Variants in KIRREL3 observed in about 807,000 individuals in gnomAD.
KIRREL3 encodes kin of IRRE-like protein 3.
KIRREL3 carries 36 observed loss-of-function variants against 89.7 expected under a neutral mutation model. The observed-to-expected ratio is 0.40, with a 90% CI of 0.31 to 0.53. KIRREL3 has a LOEUF of 0.53. Ranked by LOEUF, KIRREL3 falls within the 20% of genes least tolerant of loss-of-function variation. The probability of loss-of-function intolerance (pLI) is 0.49; values close to 1 mark genes in which losing one functional copy is unlikely to be tolerated. For missense variants in KIRREL3, 864 were observed against 1,056.6 expected (o/e 0.82, Z 2.53); for synonymous variants, 445 against 441.4 (o/e 1.01, Z -0.10).
intron 4 of KIRREL3, among the ~76,000 whole-genome samples, chr11:126,497,364 G>A (rs551080526): frequency 2.6e-5 from 4 of 152,236 alleles, no homozygotes; most frequent in South Asian, 2.1e-4. Flanking sequence ...CACCAAGGGG[G>A]GTCATTTTCT....
At chr11:126,633,039 AC>A (rs2134892638) in intron 1 of KIRREL3, among the ~76,000 whole-genome samples, 1 of 152,146 alleles carries the variant, frequency 6.6e-6, no homozygotes, top group South Asian at 2.1e-4. Context: ...TTGCTCTATC[AC>A]CACTGCACTT....
intron 1 of KIRREL3, among the ~76,000 whole-genome samples, chr11:126,841,134 A>G (rs1246731493): frequency 6.6e-6 from 1 of 152,184 alleles, no homozygotes; most frequent in Non-Finnish European, 1.5e-5. Context: ...AGGGTTTGGG[A>G]CTATCTGTGG....
chr11:126,633,386 G>C (rs1188275730), intron 1 of KIRREL3, among the ~76,000 whole-genome samples: 1 of 152,106 alleles, frequency 6.6e-6, no homozygotes, highest in Non-Finnish European at 1.5e-5. Flanking sequence ...TTGATTCCTA[G>C]TGTTAGAGGT....
Position 126,768,122 on chromosome 11 carries a change from G to T in KIRREL3, c.56-205210C>A, listed in dbSNP as rs1055156355. Among the ~76,000 whole-genome samples the T allele has an allele frequency of 7.8e-6, 1 of 128,454 alleles. No individual in the cohort carries two copies. The highest frequency in any genetic ancestry group is 2.9e-5 in the African/African-American group (1 of 34,722). The allele number at this position is 128,454 out of a possible 152,430, so 84.3% of individuals were successfully genotyped here. ...ATTTCATCCATCTGTCCATCCATCT[G>T]TCTATCCATCTATCCATCCATCCAT... is the stretch of plus-strand genomic sequence containing the variant. On this transcript the variant is annotated intron_variant, in intron 1 of 16. Transcript: ENST00000525144. The surrounding 1 kb of genome is among the most constrained non-coding windows in gnomAD (Gnocchi z 4.5).
chr11:126,717,040 A>C (rs1947993289), intron 1 of KIRREL3, among the ~76,000 whole-genome samples: 1 of 152,144 alleles, frequency 6.6e-6, no homozygotes, highest in African/African-American at 2.4e-5. Flanking sequence ...AGGGTTCTGG[A>C]AGAAGCATTT....
chr11:126,534,595 G>A (rs116636057), intron 2 of KIRREL3, among the ~76,000 whole-genome samples: 1,806 of 152,274 alleles, frequency 0.012, 33 homozygotes, highest in African/African-American at 0.041. Flanking sequence ...CAGCCTGTGC[G>A]TCTCCCCTGC....
chr11:126,835,429 G>A (rs1159959528), intron 1 of KIRREL3, among the ~76,000 whole-genome samples: 2 of 152,196 alleles, frequency 1.3e-5, no homozygotes, highest in Non-Finnish European at 2.9e-5. Context: ...GAAAAGCAGA[G>A]CAGCCAGAAA....
chr11:126,813,554 C>T (rs143986185), intron 1 of KIRREL3, among the ~76,000 whole-genome samples: 3 of 152,288 alleles, frequency 2.0e-5, no homozygotes, highest in Non-Finnish European at 4.4e-5. Flanking sequence ...CAAAGAATTA[C>T]TGAAGAATGA....
intron 1 of KIRREL3, among the ~76,000 whole-genome samples, chr11:126,921,124 G>C (rs1401382836): frequency 6.6e-6 from 1 of 152,080 alleles, no homozygotes; most frequent in Non-Finnish European, 1.5e-5. Context: ...CCTGGAGGTG[G>C]GGCACCCTTC....
intron 1 of KIRREL3, among the ~76,000 whole-genome samples, chr11:126,921,439 CTATCTATCTTCCTAT>C (rs1947280832): frequency 1.3e-5 from 2 of 152,070 alleles, no homozygotes; most frequent in Non-Finnish European, 1.5e-5. Context: ...ATCTATCTAT[CTATCTATCTTCCTAT>C]CTATCTACCT....
intron 1 of KIRREL3, among the ~76,000 whole-genome samples, chr11:126,964,173 T>C (rs1949190843): frequency 6.6e-6 from 1 of 152,196 alleles, no homozygotes; most frequent in Non-Finnish European, 1.5e-5. Flanking sequence ...TGAACAGCTA[T>C]TGAATGACTA....
chr11:126,505,154 C>CA (rs1957981192), intron 4 of KIRREL3, among the ~76,000 whole-genome samples: 1 of 152,180 alleles, frequency 6.6e-6, no homozygotes, highest in Admixed American at 6.5e-5. Context: ...AAGTTCTAGC[C>CA]AGTGCAATAA....
At chr11:126,437,105 T>C in intron 11 of KIRREL3, 96 bp from the exon 12 acceptor site, 1 of 1,159,568 alleles carries the variant, frequency 8.6e-7, no homozygotes, top group Non-Finnish European at 1.2e-6. Flanking sequence ...CTCATGTTCA[T>C]GCTCACTGCC....
chr11:127,000,629 C>G lies in KIRREL3; in HGVS notation c.-120G>C. 2 of 992,706 alleles carry G rather than the reference C, an allele frequency of 2.0e-6. No homozygotes were observed. The highest frequency in any genetic ancestry group is 2.8e-5 in the East Asian group (1 of 36,046). 61.5% of individuals were successfully genotyped at this position (992,706 alleles called of 1,614,324 possible). ...CTCGGGTTCGCGCCTACCATCTGTC[C>G]GTCCGTGGGTCCCTCCGGGTGGCTT... On this transcript the variant is annotated 5_prime_UTR_variant, in exon 1 of 17. Coordinates refer to ENST00000525144, the MANE Select transcript of KIRREL3 (RefSeq NM_032531.4). The surrounding 1 kb of genome is among the most constrained non-coding windows in gnomAD (Gnocchi z 7.1).
chr11:126,493,741 C>T (rs1336611532), intron 4 of KIRREL3, among the ~76,000 whole-genome samples: 1 of 151,870 alleles, frequency 6.6e-6, no homozygotes, highest in African/African-American at 2.4e-5. Context: ...CCCTCACCCA[C>T]AGCAGCCTGC....
intron 1 of KIRREL3, among the ~76,000 whole-genome samples, chr11:126,825,590 A>G (rs1943378350): frequency 6.6e-6 from 1 of 152,210 alleles, no homozygotes; most frequent in Admixed American, 6.5e-5. Context: ...ATCACAGGCT[A>G]CTGCTGTTAC....
Position 126,723,394 on chromosome 11 carries a change from C to T in KIRREL3, c.56-160482G>A, listed in dbSNP as rs1409237371. On this transcript the variant is annotated intron_variant, in intron 1 of 16. Transcript: ENST00000525144. This position sits in a 1 kb window ranked among gnomAD's most constrained non-coding sequence, Gnocchi z 4.0. ...AGAAATAGGCAAAGAAGGGAGGGGA[C>T]AGGCTCTGTTTCATTTCACTCTACC... Among the ~76,000 whole-genome samples the T allele has an allele frequency of 2.0e-5, 3 of 152,110 alleles. No homozygotes were observed. Among genetic ancestry groups the T allele is most frequent in the Non-Finnish European group, 4.4e-5 (3 of 68,018 alleles).
At position 126,943,510 on chromosome 11, in the gene KIRREL3, C is replaced by T. The variant is rs148951077; in HGVS notation, c.55+56945G>A. Among the ~76,000 whole-genome samples, 229 of 152,334 alleles carry T rather than the reference C, an allele frequency of 1.5e-3. 1 individual carries two copies. Among genetic ancestry groups the T allele is most frequent in the Middle Eastern group, 3.4e-3 (1 of 294 alleles). On this transcript the variant is annotated intron_variant, in intron 1 of 16. Coordinates refer to ENST00000525144, the MANE Select transcript of KIRREL3 (RefSeq NM_032531.4). This position sits in a 1 kb window ranked among gnomAD's most constrained non-coding sequence, Gnocchi z 4.2. Reference sequence around the variant, plus strand: ...GGAGTGTACAAGCATATTTACACAACGCCATGGAGCATGGGTGAAGGATGA... The same window carrying T: ...GGAGTGTACAAGCATATTTACACAATGCCATGGAGCATGGGTGAAGGATGA...
Position 126,579,805 on chromosome 11 carries a change from G to C in KIRREL3, c.56-16893C>G, listed in dbSNP as rs1166703530. ...CTGCGTGATGTTTTTCTGTTCGCCTGTCTGTCTCCTTGAATTGTGAGGTCC... is the reference window on the plus strand; with the variant it reads ...CTGCGTGATGTTTTTCTGTTCGCCTCTCTGTCTCCTTGAATTGTGAGGTCC... On this transcript the variant is annotated intron_variant, in intron 1 of 16. Transcript: ENST00000525144. This position sits in a 1 kb window ranked among gnomAD's most constrained non-coding sequence, Gnocchi z 5.3. Among the ~76,000 whole-genome samples, 3 of 151,494 alleles carry C rather than the reference G, an allele frequency of 2.0e-5. No homozygotes were observed. Among genetic ancestry groups the C allele is most frequent in the Non-Finnish European group, 4.4e-5 (3 of 67,984 alleles).
Sources: gnomAD v4.1 joint callset for allele counts (sites outside exome capture counted in the v4.1 genomes callset) on GRCh38, gnomAD v4.1.1 for gene constraint, Gnocchi (gnomAD v3.1) non-coding constraint, MANE v1.5 for transcripts, NCBI Gene and HGNC (gene_info 2026-07-23, HGNC 2026-07-21) for gene names.